Variants in REPS2 observed in about 807,000 individuals in gnomAD.
REPS2 encodes ralBP1-associated Eps domain-containing protein 2.
A neutral mutation model predicts 53.6 loss-of-function variants in REPS2; 23 were observed. That is an observed-to-expected ratio of 0.43 (90% CI 0.31 to 0.61). The LOEUF (loss-of-function observed/expected upper bound fraction) is 0.61, where lower values mean the gene tolerates loss of function less well. Ranked by LOEUF, REPS2 falls within the 20% of genes least tolerant of loss-of-function variation. REPS2 has a pLI of 0.11. For synonymous variants in REPS2, 238 were observed against 218.6 expected, an observed-to-expected ratio of 1.09 and a Z score of -0.78; for missense variants, 446 against 534.9, an observed-to-expected ratio of 0.83 and a Z score of 1.64.
the REPS2 span, among the ~76,000 whole-genome samples, chrX:17,185,621 A>G: frequency 2.7e-5 from 3 of 111,886 alleles, no homozygotes; most frequent in African/African-American, 9.8e-5. Context: ...CGCCTTTCAC[A>G]TTAACCCACT....
chrX:17,118,990 T>G (rs2063102609), intron 14 of REPS2, among the ~76,000 whole-genome samples: 1 of 112,619 alleles, frequency 8.9e-6, no homozygotes, highest in African/African-American at 3.2e-5. Context: ...TTGCGATTCT[T>G]CATGTATTTT....
chrX:17,087,924 CGAT>C (rs1317392139), intron 13 of REPS2, among the ~76,000 whole-genome samples: 2 of 91,280 alleles, frequency 2.2e-5, no homozygotes, highest in Non-Finnish European at 4.3e-5. Context: ...GAGACTCTGT[CGAT>C]AGATAGATAG....
chrX:17,025,211 G>A (rs2061628184), intron 4 of REPS2, 26 bp downstream of exon 4: 7 of 1,193,602 alleles, frequency 5.9e-6, no homozygotes, highest in Non-Finnish European at 7.9e-6. Flanking sequence ...GGGGCCAGCT[G>A]TCCCAGGCAG....
chrX:17,010,414 A>T (rs978764771), intron 2 of REPS2, among the ~76,000 whole-genome samples: 2 of 112,031 alleles, frequency 1.8e-5, no homozygotes, highest in Non-Finnish European at 3.8e-5. Flanking sequence ...AGTAACTCAG[A>T]GCAGAAGTCC....
intron 13 of REPS2, among the ~76,000 whole-genome samples, chrX:17,102,427 TG>T (rs908569099): frequency 2.7e-5 from 3 of 112,020 alleles, no homozygotes; most frequent in African/African-American, 9.7e-5. Flanking sequence ...AGGTCCAATC[TG>T]TGAGGATCTA....
At chrX:17,096,539 C>A (rs1169010732) in intron 13 of REPS2, among the ~76,000 whole-genome samples, 3 of 99,884 alleles carry the variant, frequency 3.0e-5, no homozygotes, top group South Asian at 4.9e-4. Context: ...GGGCGCCTGT[C>A]GTCCCAGCTA....
intron 1 of REPS2, among the ~76,000 whole-genome samples, chrX:17,001,025 T>G (rs1469220820): frequency 8.9e-6 from 1 of 111,879 alleles, no homozygotes; most frequent in East Asian, 2.8e-4. Flanking sequence ...AACATATCAC[T>G]TAACTTTCTG....
intron 5 of REPS2, among the ~76,000 whole-genome samples, chrX:17,044,972 C>T (rs1398322445): frequency 9.0e-6 from 1 of 111,697 alleles, no homozygotes; most frequent in Admixed American, 9.5e-5. Context: ...TCTTGTTGCC[C>T]AGGCTGGAGT....
chrX:17,144,302 A>AT (rs2148171887), intron 17 of REPS2, among the ~76,000 whole-genome samples: 1 of 113,113 alleles, frequency 8.8e-6, no homozygotes, highest in African/African-American at 3.2e-5. Flanking sequence ...TTTTCAAGAA[A>AT]TAAACCTTCA....
At position 16,951,002 on chromosome X, in the gene REPS2, C is replaced by T. The variant is rs750278851; in HGVS notation, c.273+3868C>T. Among the ~76,000 whole-genome samples the T allele has an allele frequency of 8.9e-4, 100 of 112,014 alleles. 1 individual carries two copies. Among genetic ancestry groups the T allele is most frequent in the Non-Finnish European group, 1.4e-3 (73 of 53,166 alleles). On this transcript the variant is annotated intron_variant, in intron 1 of 17. Coordinates refer to ENST00000357277, the MANE Select transcript of REPS2 (RefSeq NM_004726.3). ...TCAAGGTTATAGTGAACTATGATCG[C>T]ACCATTGCTCTCCAGCGTAGGCAAC...
chrX:16,966,662 G>A (rs1158925403), intron 1 of REPS2, among the ~76,000 whole-genome samples: 8 of 111,721 alleles, frequency 7.2e-5, no homozygotes. Flanking sequence ...TTCACATTTT[G>A]GAGCATTTTG....
chrX:16,987,220 C>T (rs2061102815), intron 1 of REPS2, among the ~76,000 whole-genome samples: 1 of 110,978 alleles, frequency 9.0e-6, no homozygotes, highest in Admixed American at 9.7e-5. Flanking sequence ...CAGGTGTAAA[C>T]CACCATGCCT....
intron 1 of REPS2, among the ~76,000 whole-genome samples, chrX:16,955,431 A>G (rs2060581481): frequency 9.0e-6 from 1 of 111,718 alleles, no homozygotes; most frequent in Non-Finnish European, 1.9e-5. Context: ...ATTATCTCCC[A>G]GTTTCTGTGG....
chrX:17,134,677 T>C (rs1364925687), intron 15 of REPS2, among the ~76,000 whole-genome samples: 4 of 110,674 alleles, frequency 3.6e-5, no homozygotes, highest in African/African-American at 9.9e-5. Context: ...TTGCCCAGGC[T>C]GGAGTGCAGT....
chrX:17,166,334 C>T, the REPS2 span, among the ~76,000 whole-genome samples: 1 of 111,565 alleles, frequency 9.0e-6, no homozygotes. Context: ...CTCCAGTGAC[C>T]GTGGGCTACT....
At chrX:16,968,833 C>G (rs1381598961) in intron 1 of REPS2, among the ~76,000 whole-genome samples, 1 of 108,925 alleles carries the variant, frequency 9.2e-6, no homozygotes, top group Non-Finnish European at 1.9e-5. Context: ...GCTGACCCCC[C>G]CACCTCCCTC....
At chrX:17,055,276 G>A (rs1256937673) in intron 8 of REPS2, among the ~76,000 whole-genome samples, 5 of 56,716 alleles carry the variant, frequency 8.8e-5, no homozygotes, top group Admixed American at 7.1e-4. Flanking sequence ...AGTAGGTTGC[G>A]AAAATTTTCT....
At chrX:17,081,754 G>C (rs1164419940) in intron 13 of REPS2, among the ~76,000 whole-genome samples, 2 of 111,964 alleles carry the variant, frequency 1.8e-5, no homozygotes, top group Non-Finnish European at 3.8e-5. Flanking sequence ...TGTAATAGCT[G>C]ACCCAGTTCT....
At chrX:16,973,520 A>G (rs748381945) in intron 1 of REPS2, among the ~76,000 whole-genome samples, 59 of 112,136 alleles carry the variant, frequency 5.3e-4, no homozygotes, top group African/African-American at 1.9e-3. Flanking sequence ...ATATAACGCT[A>G]GCAGCTGTGT....
Sources: gnomAD v4.1 joint callset for allele counts (sites outside exome capture counted in the v4.1 genomes callset) on GRCh38, gnomAD v4.1.1 for gene constraint, MANE v1.5 for transcripts, NCBI Gene and HGNC (gene_info 2026-07-23, HGNC 2026-07-21) for gene names.